The following MAP2K2 variants were observed in gnomAD, a reference collection of about 807,000 sequenced individuals.
The protein encoded by MAP2K2 is dual specificity mitogen-activated protein kinase kinase 2.
MAP2K2 carries 24 observed loss-of-function variants against 43.7 expected under a neutral mutation model. The observed-to-expected ratio is 0.55, with a 90% CI of 0.40 to 0.77. The LOEUF (loss-of-function observed/expected upper bound fraction) is 0.77, where lower values mean the gene tolerates loss of function less well. MAP2K2 is among the 30% of genes least tolerant of loss of function. The probability of loss-of-function intolerance (pLI) is 0.00; values close to 1 mark genes in which losing one functional copy is unlikely to be tolerated. For synonymous variants in MAP2K2, 244 were observed against 239.7 expected (o/e 1.02, Z -0.17); for missense variants, 470 against 566.8 (o/e 0.83, Z 1.73).
rs2145054237 is a variant in MAP2K2 at position 4,101,094 on chromosome 19, C to T, written c.630G>A (p.Leu210=). The change falls in exon 6 of 11, where the codon CTG becomes CTA. Residue 210 remains leucine, a synonymous_variant. Transcript: ENST00000262948. The surrounding 1 kb of genome is among the most constrained non-coding windows in gnomAD (Gnocchi z 6.3). ...ILVNSRGEIK[L]CDFGVSGQLI... Reference sequence around the variant, plus strand: ...GCTGGCCGCTCACCCCGAAGTCACACAGCTTGATCTCCCCTCTAGAGTTCA... The same window carrying T: ...GCTGGCCGCTCACCCCGAAGTCACATAGCTTGATCTCCCCTCTAGAGTTCA... 1 of 1,604,622 alleles carries T rather than the reference C, an allele frequency of 6.2e-7. No individual in the cohort carries two copies. Among genetic ancestry groups the T allele is most frequent in the Non-Finnish European group, 8.5e-7 (1 of 1,175,886 alleles).
At chr19:4,098,362 T>C (rs1232837716) in intron 7 of MAP2K2, among the ~76,000 whole-genome samples, 1 of 152,174 alleles carries the variant, frequency 6.6e-6, no homozygotes, top group Non-Finnish European at 1.5e-5. Flanking sequence ...GGCGCAGCAC[T>C]GTGACTGAAA....
intron 9 of MAP2K2, chr19:4,094,871 G>A: frequency 2.4e-6 from 1 of 410,326 alleles, no homozygotes; most frequent in Non-Finnish European, 4.5e-6. Context: ...CACCAGGAGT[G>A]CGGTGCCGTT....
rs376432107 is a variant in MAP2K2, at chr19:4,117,407, C to T, written c.303+12G>A. 90 of 1,611,732 alleles carry T rather than the reference C, an allele frequency of 5.6e-5. 1 individual carries two copies. In the African/African-American group the frequency reaches 6.8e-4, roughly 12 times the overall value. On this transcript the variant is annotated intron_variant, in intron 2 of 10. Transcript: ENST00000262948. ...CACCACTCCCCGACCTCCCCGACCC[C>T]GCAGTGCTCACCTTCCTGGCCATGA...
At position 4,097,205 on chromosome 19, in the gene MAP2K2, T is replaced by TAAAAA. The variant is rs10681431; in HGVS notation, c.984+69_984+73dup. The TAAAAA allele has an allele frequency of 1.1e-3, 630 of 571,400 alleles. 8 individuals are homozygous for TAAAAA. In the African/African-American group the frequency reaches 0.016, roughly 14 times the overall value. 35.4% of individuals were successfully genotyped at this position (571,400 alleles called of 1,614,324 possible). On this transcript the variant is annotated intron_variant, in intron 8 of 10. Transcript: ENST00000262948. The stretch of plus-strand genomic sequence containing the variant: ...GCTCTGGTCAGAGAGAGACTCTGCC[T>TAAAAA]AAAAAAAAAAAAAAAAAAAAAAAGA...
At chr19:4,090,947 G>T (rs1250722945) in intron 10 of MAP2K2, among the ~76,000 whole-genome samples, 2 of 152,214 alleles carry the variant, frequency 1.3e-5, no homozygotes, top group Admixed American at 1.3e-4. Flanking sequence ...CTGGGGCGGG[G>T]ACACCACCAG....
chr19:4,122,244 AG>A (rs2041309793), intron 1 of MAP2K2, among the ~76,000 whole-genome samples: 1 of 21,596 alleles, frequency 4.6e-5, no homozygotes, highest in Non-Finnish European at 8.9e-5. Flanking sequence ...TCTCCCCCAT[AG>A]GGACCCTCCC....
Position 4,101,272 on chromosome 19 carries a change from C to T in MAP2K2, c.537G>A (p.Arg179=), listed in dbSNP as rs768101649. Residue 179 remains arginine (R), a synonymous_variant, in exon 5 of 11, where the codon CGG becomes CGA. Transcript: ENST00000262948. The surrounding 1 kb of genome is among the most constrained non-coding windows in gnomAD (Gnocchi z 6.3). ...GCTTCTCTCGGAGGTACGCCAAGCC[C>T]CGGAGAACCTGCAGGGGAGCGCGGA... ...ILGKVSIAVL[R]GLAYLREKHQ... 6.3e-7 allele frequency: 1 copy of T among 1,582,132 alleles called. No homozygotes were observed. Among genetic ancestry groups the T allele is most frequent in the Non-Finnish European group, 8.6e-7 (1 of 1,164,894 alleles).
At chr19:4,107,510 C>G (rs1339703115) in intron 3 of MAP2K2, among the ~76,000 whole-genome samples, 1 of 122,334 alleles carries the variant, frequency 8.2e-6, no homozygotes, top group Admixed American at 9.8e-5. Context: ...GGCGACAGAG[C>G]TAGACTCCGT....
At chr19:4,107,746 T>C (rs941800740) in intron 3 of MAP2K2, among the ~76,000 whole-genome samples, 1 of 151,132 alleles carries the variant, frequency 6.6e-6, no homozygotes, top group Non-Finnish European at 1.5e-5. Flanking sequence ...AAATGCAAAA[T>C]AAAGATGACA....
At chr19:4,123,737 C>A in intron 1 of MAP2K2, 47 bp downstream of exon 1, 1 of 1,450,310 alleles carries the variant, frequency 6.9e-7, no homozygotes, top group Non-Finnish European at 9.3e-7. Flanking sequence ...CCCGAGGGCT[C>A]CCTGCCCCGT....
chr19:4,109,099 G>A (rs1359492725), intron 3 of MAP2K2, among the ~76,000 whole-genome samples: 1 of 152,146 alleles, frequency 6.6e-6, no homozygotes, highest in African/African-American at 2.4e-5. Context: ...AAAGGGGATC[G>A]CACGTTTGCA....
At chr19:4,094,354 C>T (rs2040884239) in intron 10 of MAP2K2, 99 bp downstream of exon 10, 25 of 1,338,518 alleles carry the variant, frequency 1.9e-5, no homozygotes, top group Non-Finnish European at 2.6e-5. Context: ...GTCGCAGGTG[C>T]TGGCTCCCCG....
At chr19:4,092,864 G>A (rs2040866903) in intron 10 of MAP2K2, among the ~76,000 whole-genome samples, 1 of 152,064 alleles carries the variant, frequency 6.6e-6, no homozygotes, top group South Asian at 2.1e-4. Flanking sequence ...TTGAGCCCAG[G>A]AGTTTGAGAC....
At chr19:4,097,372 T>C in intron 7 of MAP2K2, 29 bp from the exon 8 acceptor site, 2 of 1,567,796 alleles carry the variant, frequency 1.3e-6, no homozygotes, top group Non-Finnish European at 1.8e-6. Context: ...GGAGGTGAGA[T>C]GGGCCGATGG....
At chr19:4,105,158 G>A (rs2041069121) in intron 3 of MAP2K2, among the ~76,000 whole-genome samples, 1 of 9,038 alleles carries the variant, frequency 1.1e-4, no homozygotes, top group African/African-American at 1.2e-4. Flanking sequence ...CGTCTACCGT[G>A]TGTGTGTGTG....
In MAP2K2 at chr19:4,110,386, G is replaced by T; in HGVS notation, c.450+123C>A. On this transcript the variant is annotated intron_variant, in intron 3 of 10. Coordinates refer to ENST00000262948, the MANE Select transcript of MAP2K2 (RefSeq NM_030662.4). ...GTATGGCATCGACTGCCTTGAGAAGGATCCCCTGGAAGCCAGCGCACTGTT... is the reference window on the plus strand; with the variant it reads ...GTATGGCATCGACTGCCTTGAGAAGTATCCCCTGGAAGCCAGCGCACTGTT... The T allele has an allele frequency of 4.2e-6, 5 of 1,190,212 alleles. No individual in the cohort carries two copies. In the East Asian group the frequency reaches 9.5e-5, roughly 23 times the overall value. The allele number at this position is 1,190,212 out of a possible 1,614,324, so 73.7% of individuals were successfully genotyped here.
rs1006127521 is a variant in MAP2K2 at position 4,099,208 on chromosome 19, G to A, written c.912C>T (p.Pro304=). 8 of 1,601,882 alleles carry A rather than the reference G, an allele frequency of 5.0e-6. No homozygotes were observed. In the Admixed American group the frequency reaches 5.1e-5, roughly 10 times the overall value. Residue 304 remains proline (P), a synonymous_variant, in exon 7 of 11, where the codon CCC becomes CCT. Transcript: ENST00000262948. ...TGCAGATTCAGGCCGTACCGCTGAC[G>A]GGGCGCCCGGGGGGCCTCGGCCGAG... ...ISPRPRPPGR[P]VSGHGMDSRP...
chr19:4,111,588 G>A (rs1390366778), intron 2 of MAP2K2, among the ~76,000 whole-genome samples: 1 of 152,114 alleles, frequency 6.6e-6, no homozygotes. Context: ...AGTTCAAGAC[G>A]GCAGGGGAAA....
At chr19:4,111,705 G>A (rs1391749004) in intron 2 of MAP2K2, among the ~76,000 whole-genome samples, 3 of 152,292 alleles carry the variant, frequency 2.0e-5, no homozygotes, top group Non-Finnish European at 4.4e-5. Context: ...CTGTAATCCC[G>A]CACTCCGGGA....
Sources: allele counts gnomAD v4.1 joint callset (sites outside exome capture counted in the v4.1 genomes callset), GRCh38; gene constraint gnomAD v4.1.1; non-coding constraint Gnocchi (gnomAD v3.1); transcripts MANE v1.5; gene names NCBI Gene and HGNC (gene_info 2026-07-23, HGNC 2026-07-21).